NSRP1: variants seen among roughly 807,000 people sequenced by gnomAD.
NSRP1 encodes nuclear speckle splicing regulatory protein 1.
In NSRP1, 24 loss-of-function variants were observed where a neutral mutation model predicts 54.7. That is an observed-to-expected ratio of 0.44 (90% CI 0.32 to 0.62). The LOEUF is 0.62. NSRP1 is among the 20% of genes least tolerant of loss of function. NSRP1 has a pLI of 0.06. For missense variants in NSRP1, 596 were observed against 651.2 expected (o/e 0.92, Z 0.92); for synonymous variants, 210 against 213.8 (o/e 0.98, Z 0.15).
chr17:30,136,316 T>A (rs970788818), intron 2 of NSRP1, among the ~76,000 whole-genome samples: 11 of 152,204 alleles, frequency 7.2e-5, no homozygotes, highest in Admixed American at 3.9e-4. Context: ...TCTGTTTCAT[T>A]GATTTTTTTT....
intron 2 of NSRP1, among the ~76,000 whole-genome samples, chr17:30,132,161 T>A (rs1217775293): frequency 6.7e-6 from 1 of 148,636 alleles, no homozygotes; most frequent in Non-Finnish European, 1.5e-5. Flanking sequence ...GGCAGGAGAA[T>A]GGCATGAACC....
chr17:30,176,430 G>C (rs188484696), intron 3 of NSRP1, among the ~76,000 whole-genome samples: 33 of 152,070 alleles, frequency 2.2e-4, no homozygotes, highest in Admixed American at 6.6e-4. Flanking sequence ...CCAACATAGT[G>C]AAACTCCGTC....
At chr17:30,177,375 TA>T (rs35998302) in intron 3 of NSRP1, among the ~76,000 whole-genome samples, 94 of 148,012 alleles carry the variant, frequency 6.4e-4, no homozygotes, top group Non-Finnish European at 6.6e-4. Context: ...CCCATCGCTT[TA>T]AAAAAAAAAA....
At chr17:30,174,116 G>A (rs943335127) in intron 3 of NSRP1, among the ~76,000 whole-genome samples, 4 of 152,090 alleles carry the variant, frequency 2.6e-5, no homozygotes, top group Admixed American at 2.0e-4. Flanking sequence ...AGGTAATACA[G>A]GTATCTTGTT....
intron 6 of NSRP1, among the ~76,000 whole-genome samples, chr17:30,184,324 A>T (rs1259967832): frequency 6.6e-6 from 1 of 152,240 alleles, no homozygotes; most frequent in East Asian, 1.9e-4. Flanking sequence ...GCTTACCAAA[A>T]AATGAAGACC....
chr17:30,130,613 T>G (rs2071691154), intron 2 of NSRP1, among the ~76,000 whole-genome samples: 1 of 152,194 alleles, frequency 6.6e-6, no homozygotes, highest in African/African-American at 2.4e-5. Context: ...TTAGTGATTT[T>G]TTCTGGTACT....
chr17:30,174,204 T>C (rs1230119601), intron 3 of NSRP1, among the ~76,000 whole-genome samples: 3 of 152,202 alleles, frequency 2.0e-5, no homozygotes, highest in African/African-American at 7.2e-5. Flanking sequence ...GATTTTATTC[T>C]TAACTCTGTC....
intron 2 of NSRP1, among the ~76,000 whole-genome samples, chr17:30,121,896 G>A (rs575291638): frequency 6.6e-6 from 1 of 152,092 alleles, no homozygotes; most frequent in Admixed American, 6.5e-5. Context: ...AGTTGTGCCG[G>A]CATCACCACT....
intron 2 of NSRP1, among the ~76,000 whole-genome samples, chr17:30,164,383 C>G (rs58119349): frequency 0.032 from 4,842 of 152,258 alleles, 234 homozygotes; most frequent in African/African-American, 0.11. Context: ...ACTTTTAGAA[C>G]AGTTCTAATG....
chr17:30,160,196 G>A (rs868563778), intron 2 of NSRP1, among the ~76,000 whole-genome samples: 1 of 152,134 alleles, frequency 6.6e-6, no homozygotes, highest in Admixed American at 6.5e-5. Context: ...GTTGGATTTG[G>A]TTTGGTAGTA....
intron 2 of NSRP1, among the ~76,000 whole-genome samples, chr17:30,147,601 C>A (rs1367370229): frequency 2.0e-5 from 3 of 150,010 alleles, no homozygotes; most frequent in Non-Finnish European, 1.5e-5. Context: ...GTAGCTGGGA[C>A]TACAGGCGCC....
rs894526137 is a variant in NSRP1, at chr17:30,126,508, A to G, written c.114+8335A>G. ...CACTTAGCTTTTAAAAGCTTGCATT[A>G]TAAGTTGTTTACATACATGTCTTGT... On this transcript the variant is annotated intron_variant, in intron 2 of 6. Transcript: ENST00000247026. Among the ~76,000 whole-genome samples the G allele has an allele frequency of 4.6e-5, 7 of 152,166 alleles. No individual in the cohort carries two copies. The South Asian group carries it at 6.2e-4, about 14-fold the overall frequency.
At chr17:30,126,177 T>C (rs1330199244) in intron 2 of NSRP1, 1 of 152,236 alleles carries the variant, frequency 6.6e-6, no homozygotes, top group Non-Finnish European at 1.5e-5. Context: ...GTCCTGAACG[T>C]AATTATATTT....
chr17:30,122,697 C>T (rs1171329826), intron 2 of NSRP1: 1 of 151,656 alleles, frequency 6.6e-6, no homozygotes, highest in Admixed American at 6.6e-5. Flanking sequence ...AGCCACCACA[C>T]CTGGCCTGGT....
intron 4 of NSRP1, among the ~76,000 whole-genome samples, 165 bp downstream of exon 4, chr17:30,178,364 C>T (rs1475706165): frequency 6.6e-6 from 1 of 152,136 alleles, no homozygotes; most frequent in Admixed American, 6.5e-5. Context: ...TCAAGCAGCA[C>T]TACATATTAT....
At chr17:30,145,049 C>T (rs2071841100) in intron 2 of NSRP1, among the ~76,000 whole-genome samples, 1 of 152,122 alleles carries the variant, frequency 6.6e-6, no homozygotes, top group Non-Finnish European at 1.5e-5. Context: ...TTTTAGTCAA[C>T]ACTGTGTTAC....
chr17:30,159,257 C>G (rs577411981), intron 2 of NSRP1, among the ~76,000 whole-genome samples: 1 of 152,018 alleles, frequency 6.6e-6, no homozygotes, highest in Non-Finnish European at 1.5e-5. Flanking sequence ...TCTTTTTCCT[C>G]TAGTTTGTTG....
intron 2 of NSRP1, among the ~76,000 whole-genome samples, chr17:30,130,625 A>T (rs1874795726): frequency 6.6e-6 from 1 of 152,126 alleles, no homozygotes; most frequent in African/African-American, 2.4e-5. Context: ...TCTGGTACTT[A>T]ATGTTCTTAT....
At chr17:30,126,401 A>C (rs546018196) in intron 2 of NSRP1, among the ~76,000 whole-genome samples, 3 of 152,306 alleles carry the variant, frequency 2.0e-5, no homozygotes, top group African/African-American at 7.2e-5. Context: ...CGCAAAAGCT[A>C]CTTCTTTCAA....
Sources: gnomAD v4.1 joint callset for allele counts (sites outside exome capture counted in the v4.1 genomes callset) on GRCh38, gnomAD v4.1.1 for gene constraint, MANE v1.5 for transcripts, NCBI Gene and HGNC (gene_info 2026-07-23, HGNC 2026-07-21) for gene names.